Variants in ADAM12 observed in about 807,000 individuals in gnomAD.
ADAM12 encodes the protein ADAM metallopeptidase domain 12.
Under a neutral mutation model 106.4 loss-of-function variants are expected in ADAM12, and 70 were observed. The observed-to-expected ratio is 0.66, with a 90% CI of 0.54 to 0.80. The LOEUF (loss-of-function observed/expected upper bound fraction) is 0.80. Ranked by LOEUF, ADAM12 falls within the 30% of genes least tolerant of loss-of-function variation. The pLI, the probability that ADAM12 is intolerant of heterozygous loss-of-function variation, is 0.00. For missense variants in ADAM12, 1,010 were observed against 1,171.9 expected (o/e 0.86, Z 2.02); for synonymous variants, 420 against 433.5 (o/e 0.97, Z 0.39).
intron 21 of ADAM12, among the ~76,000 whole-genome samples, chr10:126,026,865 C>T (rs1443836165): frequency 6.6e-6 from 1 of 152,056 alleles, no homozygotes; most frequent in Non-Finnish European, 1.5e-5. Flanking sequence ...GCTAAAAGAA[C>T]TAGAGAAACA....
At chr10:126,347,110 G>T (rs139447633) in intron 1 of ADAM12, among the ~76,000 whole-genome samples, 2 of 152,120 alleles carry the variant, frequency 1.3e-5, no homozygotes, top group African/African-American at 4.8e-5. Flanking sequence ...GCAGTTTCTT[G>T]CTAGCCTCAA....
intron 1 of ADAM12, among the ~76,000 whole-genome samples, chr10:126,338,376 CCA>C (rs1452156555): frequency 5.3e-5 from 8 of 149,994 alleles, no homozygotes; most frequent in Non-Finnish European, 7.4e-5. Flanking sequence ...CCTCAGCCTC[CCA>C]AGTAGCTGGG....
In ADAM12 at chr10:126,036,301, A is replaced by C. The variant is rs764278136; in HGVS notation, c.2374T>G (p.Cys792Gly). ...GGTCTGCTGATGTCAACATTCTGAC[A>C]CTGCAGCAATCTCCTGGGATTGTCC... The part of the protein sequence containing the change: ...PKDNPRRLLQ[C>G]QNVDISRPLN... Residue 792 changes from cysteine (C) to glycine (G), a missense_variant, in exon 21 of 23, where the codon TGT (cysteine) becomes GGT (glycine). This residue lies in a region of ADAM12 where 615 missense variants were observed against 708.5 expected (regional missense o/e 0.87). Coordinates refer to ENST00000448723, the MANE Select transcript of ADAM12 (RefSeq NM_001288973.2). 1 of 1,564,374 alleles carries C rather than the reference A, an allele frequency of 6.4e-7. No homozygotes were observed. Among genetic ancestry groups the C allele is most frequent in the South Asian group, 1.2e-5 (1 of 82,308 alleles).
chr10:126,387,405 G>A (rs1347830395), intron 1 of ADAM12, among the ~76,000 whole-genome samples: 11 of 101,838 alleles, frequency 1.1e-4, no homozygotes, highest in Non-Finnish European at 9.6e-5. Context: ...GAAACTGAGT[G>A]GAGGAAGGAG....
chr10:126,054,336 A>T (rs1954580169), intron 14 of ADAM12, among the ~76,000 whole-genome samples: 1 of 152,198 alleles, frequency 6.6e-6, no homozygotes, highest in South Asian at 2.1e-4. Context: ...GCCTTTTTTT[A>T]AACCTGATTT....
intron 1 of ADAM12, among the ~76,000 whole-genome samples, chr10:126,382,850 C>T (rs1345908898): frequency 2.0e-5 from 3 of 152,082 alleles, no homozygotes; most frequent in Admixed American, 1.3e-4. Flanking sequence ...ATTTTACATC[C>T]ATTACAAAAA....
chr10:126,245,478 G>T (rs1958610815), intron 3 of ADAM12, among the ~76,000 whole-genome samples: 1 of 152,218 alleles, frequency 6.6e-6, no homozygotes, highest in Admixed American at 6.5e-5. Context: ...GGCTTTAGAA[G>T]ATAGGGGGAC....
chr10:126,034,731 C>G (rs113336597), intron 21 of ADAM12, among the ~76,000 whole-genome samples: 3,659 of 152,138 alleles, frequency 0.024, 143 homozygotes, highest in African/African-American at 0.081. Flanking sequence ...TGCTTTTTAT[C>G]CTGTTTTTAG....
At chr10:126,050,066 C>T (rs760171707) in intron 14 of ADAM12, among the ~76,000 whole-genome samples, 15 of 152,124 alleles carry the variant, frequency 9.9e-5, no homozygotes, top group Admixed American at 2.0e-4. Flanking sequence ...TCTTTAACAA[C>T]ATCCCACACA....
intron 2 of ADAM12, among the ~76,000 whole-genome samples, chr10:126,286,145 C>T (rs1329147299): frequency 1.3e-5 from 2 of 151,986 alleles, no homozygotes; most frequent in Non-Finnish European, 2.9e-5. Flanking sequence ...CATTATTTTC[C>T]CTGAAGGACG....
intron 1 of ADAM12, among the ~76,000 whole-genome samples, chr10:126,354,214 T>C (rs1045849274): frequency 6.6e-6 from 1 of 152,334 alleles, no homozygotes. Flanking sequence ...GGTAAATTTA[T>C]GGGTTGTCAC....
intron 1 of ADAM12, among the ~76,000 whole-genome samples, chr10:126,368,865 C>T (rs1856010737): frequency 6.6e-6 from 1 of 152,022 alleles, no homozygotes; most frequent in South Asian, 2.1e-4. Flanking sequence ...ATATCCAAAC[C>T]CAAGCAAATG....
At chr10:126,051,654 C>T (rs903997407) in intron 14 of ADAM12, among the ~76,000 whole-genome samples, 10 of 151,320 alleles carry the variant, frequency 6.6e-5, no homozygotes, top group Admixed American at 1.3e-4. Flanking sequence ...GCCAGCCAGC[C>T]GGCCACCCAT....
intron 22 of ADAM12, among the ~76,000 whole-genome samples, chr10:126,017,646 A>G (rs1048007086): frequency 2.0e-5 from 3 of 152,264 alleles, no homozygotes; most frequent in African/African-American, 7.2e-5. Context: ...CATTTAACTC[A>G]GTATACCTAG....
chr10:126,234,443 T>C (rs981163002), intron 3 of ADAM12, among the ~76,000 whole-genome samples: 23 of 152,352 alleles, frequency 1.5e-4, no homozygotes, highest in South Asian at 8.3e-4. Flanking sequence ...AAATGCAGAT[T>C]AACGCTGCAT....
chr10:126,347,104 T>C (rs1026729438), intron 1 of ADAM12, among the ~76,000 whole-genome samples: 3 of 152,226 alleles, frequency 2.0e-5, no homozygotes, highest in African/African-American at 7.2e-5. Flanking sequence ...GTTGATGCAG[T>C]TTCTTGCTAG....
chr10:126,189,830 G>A (rs549364733), intron 3 of ADAM12, among the ~76,000 whole-genome samples: 1 of 152,176 alleles, frequency 6.6e-6, no homozygotes, highest in African/African-American at 2.4e-5. Flanking sequence ...GCAAGGCTGA[G>A]CCTCCTGCAG....
intron 2 of ADAM12, among the ~76,000 whole-genome samples, chr10:126,299,388 G>A (rs1960519582): frequency 1.3e-5 from 2 of 152,070 alleles, no homozygotes; most frequent in African/African-American, 4.8e-5. Flanking sequence ...TATGGGCAAG[G>A]CACTATACAG....
chr10:126,044,043 G>T (rs1565007410), intron 17 of ADAM12, among the ~76,000 whole-genome samples: 1 of 152,160 alleles, frequency 6.6e-6, no homozygotes. Context: ...ATGCTGGTTG[G>T]ACTCGCTATT....
Sources: allele counts gnomAD v4.1 joint callset (sites outside exome capture counted in the v4.1 genomes callset), GRCh38; gene constraint gnomAD v4.1.1; regional missense constraint gnomAD v4.1.1; transcripts MANE v1.5; gene names NCBI Gene and HGNC (gene_info 2026-07-23, HGNC 2026-07-21).